Variants in LRP1B observed in about 807,000 individuals in gnomAD.
The protein encoded by LRP1B is low-density lipoprotein receptor-related protein 1B.
Under a neutral mutation model 556.6 loss-of-function variants are expected in LRP1B, and 217 were observed. The ratio of observed to expected loss-of-function variants is 0.39; its 90% CI spans 0.35 to 0.44. LRP1B has a LOEUF of 0.44. LRP1B is among the 20% of genes least tolerant of loss of function. The pLI is 1.00. For missense variants in LRP1B, 5,053 were observed against 5,620.8 expected, an observed-to-expected ratio of 0.90 and a Z score of 3.23; for synonymous variants, 2,047 against 1,865.8, an observed-to-expected ratio of 1.10 and a Z score of -2.50.
chr2:141,102,688 A>C (rs4954881), intron 7 of LRP1B, among the ~76,000 whole-genome samples: 2 of 151,854 alleles, frequency 1.3e-5, no homozygotes, highest in South Asian at 4.1e-4. Flanking sequence ...AGGTACAACT[A>C]TAACATAAAC....
intron 33 of LRP1B, among the ~76,000 whole-genome samples, chr2:140,774,675 T>G (rs1291486668): frequency 6.6e-6 from 1 of 152,106 alleles, no homozygotes; most frequent in Non-Finnish European, 1.5e-5. Context: ...TTACACATAA[T>G]TATATTCTAT....
intron 35 of LRP1B, among the ~76,000 whole-genome samples, chr2:140,756,245 C>T (rs1688737695): frequency 6.6e-6 from 1 of 151,914 alleles, no homozygotes; most frequent in African/African-American, 2.4e-5. Flanking sequence ...TTGTTAAGAT[C>T]ACAATAATCC....
intron 31 of LRP1B, among the ~76,000 whole-genome samples, chr2:140,837,337 G>T (rs998639458): frequency 9.9e-5 from 15 of 152,168 alleles, no homozygotes; most frequent in African/African-American, 3.4e-4. Context: ...TAAGGAAAAG[G>T]ACAGTGTCAA....
chr2:140,830,792 A>G (rs577594744), intron 31 of LRP1B, among the ~76,000 whole-genome samples: 4 of 152,202 alleles, frequency 2.6e-5, no homozygotes, highest in Admixed American at 2.6e-4. Flanking sequence ...TTTAAGATGC[A>G]TGATATTATA....
intron 73 of LRP1B, 150 bp downstream of exon 73, chr2:140,358,671 A>C: frequency 1.3e-6 from 1 of 767,730 alleles, no homozygotes; most frequent in South Asian, 1.8e-5. Flanking sequence ...TGCTGGTGGA[A>C]TATTTTTATA....
chr2:140,875,021 T>TAAAA (rs200338098), intron 25 of LRP1B, among the ~76,000 whole-genome samples: 44 of 125,054 alleles, frequency 3.5e-4, no homozygotes, highest in Middle Eastern at 4.2e-3. Flanking sequence ...TCTGTCTCAA[T>TAAAA]AAAAAAAAAA....
chr2:141,266,641 T>TG (rs1303679490), intron 3 of LRP1B, among the ~76,000 whole-genome samples: 2 of 152,152 alleles, frequency 1.3e-5, no homozygotes, highest in African/African-American at 4.8e-5. Flanking sequence ...CTCAACTCAT[T>TG]GGTGAATACT....
chr2:142,010,793 A>C (rs898043417), intron 1 of LRP1B, among the ~76,000 whole-genome samples: 4 of 152,100 alleles, frequency 2.6e-5, no homozygotes, highest in Non-Finnish European at 5.9e-5. Flanking sequence ...AATGGTTGAT[A>C]ATTTGTCATT....
At chr2:140,953,592 G>T (rs192293677) in intron 18 of LRP1B, among the ~76,000 whole-genome samples, 22 of 152,278 alleles carry the variant, frequency 1.4e-4, no homozygotes, top group African/African-American at 5.3e-4. Flanking sequence ...ACTGATGGCT[G>T]AACAGGCTTG....
intron 3 of LRP1B, among the ~76,000 whole-genome samples, chr2:141,270,628 T>C (rs1685055193): frequency 6.6e-6 from 1 of 152,054 alleles, no homozygotes; most frequent in African/African-American, 2.4e-5. Context: ...AATTCTGACA[T>C]ATGCTGCATC....
At position 141,486,927 on chromosome 2, in the gene LRP1B, T is replaced by A. The variant is rs140548895; in HGVS notation, c.206-6394A>T. On this transcript the variant is annotated intron_variant, in intron 2 of 90. Transcript: ENST00000389484. ...GAACTTCTCTCCAGGGCCTCTGTGG[T>A]CCCGGCCACAGTGAAGCCAGAGACA... Among the ~76,000 whole-genome samples the A allele has an allele frequency of 4.3e-3, 648 of 152,258 alleles. 3 individuals are homozygous for A. Among genetic ancestry groups the A allele is most frequent in the African/African-American group, 0.015 (609 of 41,538 alleles).
At chr2:140,880,882 C>T (rs1693451479) in intron 25 of LRP1B, among the ~76,000 whole-genome samples, 1 of 152,050 alleles carries the variant, frequency 6.6e-6, no homozygotes. Flanking sequence ...TGCATGCATT[C>T]ATTTGTTTAA....
At chr2:141,220,922 G>A (rs1309770646) in intron 6 of LRP1B, among the ~76,000 whole-genome samples, 1 of 151,936 alleles carries the variant, frequency 6.6e-6, no homozygotes, top group African/African-American at 2.4e-5. Context: ...CCTGAAGAAA[G>A]AACTAAATAT....
Position 140,755,950 on chromosome 2 carries a change from G to C in LRP1B, c.5758+13263C>G, listed in dbSNP as rs1010274171. On this transcript the variant is annotated intron_variant, in intron 35 of 90. Transcript: ENST00000389484. ...AATTTGCAAATGATGATCTTGTATA[G>C]AGAAAATCCTAAGGGATCCACTAAA... 3.3e-5 allele frequency among the ~76,000 whole-genome samples: 5 copies of C among 151,906 alleles called. No homozygotes were observed. The East Asian group carries it at 5.8e-4, about 18-fold the overall frequency.
intron 7 of LRP1B, among the ~76,000 whole-genome samples, chr2:141,124,733 T>A (rs993777295): frequency 4.6e-5 from 7 of 151,402 alleles, no homozygotes; most frequent in Non-Finnish European, 1.0e-4. Flanking sequence ...TCTCATTGAA[T>A]CTCAAATTCA....
At chr2:140,873,295 G>A (rs1693199680) in intron 25 of LRP1B, among the ~76,000 whole-genome samples, 1 of 151,990 alleles carries the variant, frequency 6.6e-6, no homozygotes, top group African/African-American at 2.4e-5. Context: ...TAATAAATAA[G>A]ACATTAATAT....
intron 2 of LRP1B, among the ~76,000 whole-genome samples, chr2:141,798,096 G>C (rs1479861316): frequency 1.3e-5 from 2 of 152,148 alleles, no homozygotes; most frequent in African/African-American, 4.8e-5. Context: ...ATAAGAATAT[G>C]TATTGTTCCT....
At chr2:142,126,975 T>C (rs1707677359) in intron 1 of LRP1B, among the ~76,000 whole-genome samples, 1 of 151,884 alleles carries the variant, frequency 6.6e-6, no homozygotes. Context: ...AAACTAAGTA[T>C]TTCTGCATAC....
At chr2:141,220,212 C>T (rs1682979358) in intron 6 of LRP1B, among the ~76,000 whole-genome samples, 1 of 152,020 alleles carries the variant, frequency 6.6e-6, no homozygotes, top group East Asian at 1.9e-4. Flanking sequence ...CCAGAATAAC[C>T]AGTTTAGACA....
Sources: allele counts gnomAD v4.1 joint callset (sites outside exome capture counted in the v4.1 genomes callset), GRCh38; gene constraint gnomAD v4.1.1; transcripts MANE v1.5; gene names NCBI Gene and HGNC (gene_info 2026-07-23, HGNC 2026-07-21).